Variants in FOXO1 observed in about 807,000 individuals in gnomAD.
FOXO1 encodes the protein forkhead box protein O1.
A neutral mutation model predicts 44.1 loss-of-function variants in FOXO1; 6 were observed. The ratio of observed to expected loss-of-function variants is 0.14; its 90% CI spans 0.07 to 0.27. FOXO1 has a LOEUF of 0.27. FOXO1 is among the 10% of genes least tolerant of loss of function. The pLI, the probability that FOXO1 is intolerant of heterozygous loss-of-function variation, is 1.00. For synonymous variants in FOXO1, 380 were observed against 362.7 expected (o/e 1.05, Z -0.54); for missense variants, 737 against 888.8 (o/e 0.83, Z 2.17).
rs758124765 is a variant in FOXO1 at position 40,665,670 on chromosome 13, G to A, written c.543C>T (p.Leu181=). The A allele has an allele frequency of 3.2e-6, 5 of 1,541,608 alleles. No homozygotes were observed. Among genetic ancestry groups the A allele is most frequent in the Admixed American group, 1.9e-5 (1 of 53,882 alleles). Residue 181 remains leucine, a synonymous_variant, in exon 1 of 3, where the codon CTC becomes CTT. Transcript: ENST00000379561. The part of the protein sequence containing the change: ...KAIESSAEKR[L]TLSQIYEWMV... The stretch of plus-strand genomic sequence containing the variant: ...TCCACTCGTAGATCTGCGACAGCGT[G>A]AGCCGCTTCTCCGCCGAGCTCTCGA...
At chr13:40,633,265 A>G (rs1254383822) in intron 1 of FOXO1, among the ~76,000 whole-genome samples, 1 of 152,244 alleles carries the variant, frequency 6.6e-6, no homozygotes, top group Non-Finnish European at 1.5e-5. Context: ...ATATACCCAA[A>G]CCAAGAGAAA....
chr13:40,573,283 G>A (rs1055967923), intron 1 of FOXO1, among the ~76,000 whole-genome samples: 2 of 152,146 alleles, frequency 1.3e-5, no homozygotes, highest in African/African-American at 4.8e-5. Context: ...TGTGTCAGAG[G>A]TGCCCACCAG....
chr13:40,632,786 T>TA (rs1016535265), intron 1 of FOXO1, among the ~76,000 whole-genome samples: 9 of 141,124 alleles, frequency 6.4e-5, no homozygotes, highest in African/African-American at 1.1e-4. Context: ...CTACTAAAAA[T>TA]AAAAAAAAAT....
At position 40,608,331 on chromosome 13, in the gene FOXO1, G is replaced by A. The variant is rs11841665; in HGVS notation, c.631-47471C>T. Among the ~76,000 whole-genome samples the A allele has an allele frequency of 1.3e-3, 204 of 152,342 alleles. 2 individuals carry two copies. Among genetic ancestry groups the A allele is most frequent in the African/African-American group, 4.6e-3 (193 of 41,588 alleles). ...CAGAGACTTGAAACATACTCATACA[G>A]TCAGGCTTGCCCTCTTGCACATGAC... On this transcript the variant is annotated intron_variant, in intron 1 of 2. Transcript: ENST00000379561.
intron 1 of FOXO1, among the ~76,000 whole-genome samples, chr13:40,579,669 ACT>A (rs1593386450): frequency 6.6e-6 from 1 of 151,948 alleles, no homozygotes; most frequent in East Asian, 1.9e-4. Flanking sequence ...CCAGGAAAAC[ACT>A]CTAGCCTTGG....
At chr13:40,574,881 G>C (rs1383813695) in intron 1 of FOXO1, among the ~76,000 whole-genome samples, 1 of 152,054 alleles carries the variant, frequency 6.6e-6, no homozygotes, top group Non-Finnish European at 1.5e-5. Flanking sequence ...ATAATAAATA[G>C]CCAAACCTAG....
At chr13:40,612,760 G>C (rs1876278898) in intron 1 of FOXO1, among the ~76,000 whole-genome samples, 1 of 152,108 alleles carries the variant, frequency 6.6e-6, no homozygotes, top group Non-Finnish European at 1.5e-5. Flanking sequence ...TTATTGGTCT[G>C]TTTTATTATT....
chr13:40,651,085 T>TG (rs1566085344), intron 1 of FOXO1, among the ~76,000 whole-genome samples: 1 of 103,284 alleles, frequency 9.7e-6, no homozygotes, highest in African/African-American at 4.7e-5. Context: ...GTTTTTTTGG[T>TG]TTTTTGTTTT....
At chr13:40,661,177 TTAA>T (rs1464054549) in intron 1 of FOXO1, among the ~76,000 whole-genome samples, 1 of 152,210 alleles carries the variant, frequency 6.6e-6, no homozygotes, top group Non-Finnish European at 1.5e-5. Context: ...CTTTCAGCCC[TTAA>T]TAAGATGCTA....
chr13:40,559,728 C>T lies in FOXO1; in HGVS notation c.1763G>A (p.Gly588Asp), dbSNP rs751994432. 1.9e-6 allele frequency: 3 copies of T among 1,613,756 alleles called. No homozygotes were observed. The highest frequency in any genetic ancestry group is 1.7e-5 in the Admixed American group (1 of 59,994). ...CTCCTGGTGGAGAAGGCCCATTCTG[C>T]CATAGCCATTGCAGCTGCTCACGGA... is the stretch of plus-strand genomic sequence containing the variant. ...YSSVSSCNGYGRMGLLHQEKL... is the reference protein window; with the variant it reads ...YSSVSSCNGYDRMGLLHQEKL... The change falls in exon 2 of 3, where the codon GGC becomes GAC. Residue 588 changes from glycine to aspartate, a missense_variant. By Grantham distance (94) the Gly-to-Asp change is moderately conservative. Coordinates refer to ENST00000379561, the MANE Select transcript of FOXO1 (RefSeq NM_002015.4).
chr13:40,661,743 CTG>C (rs1878043646), intron 1 of FOXO1, among the ~76,000 whole-genome samples: 1 of 152,300 alleles, frequency 6.6e-6, no homozygotes, highest in African/African-American at 2.4e-5. Flanking sequence ...AACGGGATCT[CTG>C]TGGCTGGTTC....
At chr13:40,575,402 T>G (rs1411589217) in intron 1 of FOXO1, among the ~76,000 whole-genome samples, 1 of 152,104 alleles carries the variant, frequency 6.6e-6, no homozygotes, top group East Asian at 1.9e-4. Context: ...CAAGTCAGTG[T>G]TAGAGCACTT....
At chr13:40,655,348 CA>C (rs1170592440) in intron 1 of FOXO1, among the ~76,000 whole-genome samples, 42,604 of 94,590 alleles carry the variant, frequency 0.45, 6,617 homozygotes, top group East Asian at 0.53. Context: ...GACCCCATCT[CA>C]AAAAAAAAAA....
At chr13:40,607,928 T>C (rs1305649142) in intron 1 of FOXO1, among the ~76,000 whole-genome samples, 1 of 152,230 alleles carries the variant, frequency 6.6e-6, no homozygotes, top group African/African-American at 2.4e-5. Flanking sequence ...CTGAAACAGA[T>C]TTTGAACCCA....
At chr13:40,640,443 G>C (rs892008393) in intron 1 of FOXO1, among the ~76,000 whole-genome samples, 1 of 152,206 alleles carries the variant, frequency 6.6e-6, no homozygotes, top group African/African-American at 2.4e-5. Flanking sequence ...CTCAATGAGG[G>C]CGCTCCTGGG....
chr13:40,634,067 CT>C (rs1231967917), intron 1 of FOXO1, among the ~76,000 whole-genome samples: 1 of 152,184 alleles, frequency 6.6e-6, no homozygotes, highest in Admixed American at 6.5e-5. Flanking sequence ...GGATGAGGCA[CT>C]TTACAATCTA....
At chr13:40,663,104 C>CA (rs1254309061) in intron 1 of FOXO1, among the ~76,000 whole-genome samples, 2 of 152,238 alleles carry the variant, frequency 1.3e-5, no homozygotes, top group African/African-American at 4.8e-5. Flanking sequence ...TTGAGAAAGG[C>CA]AGCCTACTCC....
At chr13:40,611,970 A>G (rs1876249604) in intron 1 of FOXO1, among the ~76,000 whole-genome samples, 2 of 152,062 alleles carry the variant, frequency 1.3e-5, no homozygotes, top group South Asian at 4.2e-4. Context: ...GCCACTGAGG[A>G]GGCTGAGGTG....
rs1877815437 is a variant in FOXO1 at position 40,655,154 on chromosome 13, G to A, written c.630+10429C>T. Among the ~76,000 whole-genome samples the A allele has an allele frequency of 3.3e-5, 5 of 151,962 alleles. No individual in the cohort carries two copies. In the South Asian group the frequency reaches 1.0e-3, roughly 32 times the overall value. Reference sequence around the variant, plus strand: ...ATTTCGAGACCAGTCTGGCCAACATGGTGAAACCCCGTCCCTACTAAAAAT... The same window carrying A: ...ATTTCGAGACCAGTCTGGCCAACATAGTGAAACCCCGTCCCTACTAAAAAT... On this transcript the variant is annotated intron_variant, in intron 1 of 2. Transcript: ENST00000379561.
Sources: allele counts gnomAD v4.1 joint callset (sites outside exome capture counted in the v4.1 genomes callset), GRCh38; gene constraint gnomAD v4.1.1; transcripts MANE v1.5; gene names NCBI Gene and HGNC (gene_info 2026-07-23, HGNC 2026-07-21).